The following ABTB1 variants were observed in gnomAD, a reference collection of about 807,000 sequenced individuals.
ABTB1 encodes ankyrin repeat and BTB domain containing 1.
ABTB1 carries 45 observed loss-of-function variants against 57.1 expected under a neutral mutation model. The ratio of observed to expected loss-of-function variants is 0.79; its 90% confidence interval spans 0.62 to 1.01. The LOEUF (loss-of-function observed/expected upper bound fraction) is 1.01. ABTB1 is among the 50% of genes least tolerant of loss of function. The pLI is 0.00. For missense variants in ABTB1, 630 were observed against 666.3 expected (o/e 0.95, Z 0.60); for synonymous variants, 302 against 275.4 (o/e 1.10, Z -0.95).
In ABTB1 at chr3:127,674,631, G is replaced by A. The variant is rs1317776658; in HGVS notation, c.175+31G>A. The stretch of plus-strand genomic sequence containing the variant: ...AGCAGGGAGCCCGGCTCACGGGTGT[G>A]CGTGGGTGCATGCATGTGTGCGTGT... On this transcript the variant is annotated intron_variant, in intron 3 of 11. Transcript: ENST00000232744. 3.1e-6 allele frequency: 5 copies of A among 1,613,920 alleles called. No homozygotes were observed. In the African/African-American group the frequency reaches 6.7e-5, roughly 22 times the overall value.
chr3:127,680,370 C>A lies in ABTB1; in HGVS notation c.1332C>A (p.Arg444=), dbSNP rs1462215348. 1 of 1,608,560 alleles carries A rather than the reference C, an allele frequency of 6.2e-7. No homozygotes were observed. The highest frequency in any genetic ancestry group is 8.5e-7 in the Non-Finnish European group (1 of 1,177,900). ...CTATCCCGCTGGTGGACGACATCCG[C>A]TTCCACGTGGCCAGCACGGTGCAGA... is the stretch of plus-strand genomic sequence containing the variant. ...TDSIPLVDDI[R]FHVASTVQTY... Residue 444 remains arginine (R), a synonymous_variant, in exon 12 of 12, where the codon CGC becomes CGA. Transcript: ENST00000232744.
Position 127,677,423 on chromosome 3 carries a change from G to A in ABTB1, c.763-42G>A, listed in dbSNP as rs370857803. On this transcript the variant is annotated intron_variant, in intron 8 of 11. Coordinates refer to ENST00000232744, the MANE Select transcript of ABTB1 (RefSeq NM_172027.3). ...TTTCTGAACCTAGTCGTTCACTTCTGTGAACAACTGCTCTGATGGGGTCAC... is the reference window on the plus strand; with the variant it reads ...TTTCTGAACCTAGTCGTTCACTTCTATGAACAACTGCTCTGATGGGGTCAC... 24 of 1,608,858 alleles carry A rather than the reference G, an allele frequency of 1.5e-5. No homozygotes were observed. In the South Asian group the frequency reaches 2.5e-4, roughly 17 times the overall value.
Position 127,677,570 on chromosome 3 carries a change from GT to G in ABTB1, c.861+8del, listed in dbSNP as rs771101131. 3 of 1,613,820 alleles carry G rather than the reference GT, an allele frequency of 1.9e-6. No individual in the cohort carries two copies. The highest frequency in any genetic ancestry group is 2.2e-5 in the South Asian group (2 of 91,082). ...CAGCTTCCTCTGCCACAAGGTGCCTGTGCCCTCCTGTTGCCCCTGGCCCCAG... is the reference window on the plus strand; with the variant it reads ...CAGCTTCCTCTGCCACAAGGTGCCTGGCCCTCCTGTTGCCCCTGGCCCCAG... On this transcript the variant is annotated splice_region_variant and intron_variant, in intron 9 of 11. Transcript: ENST00000232744.
At position 127,674,533 on chromosome 3, in the gene ABTB1, TCCTC is replaced by T. The variant is rs773359049; in HGVS notation, c.120-8_120-5del. The T allele has an allele frequency of 1.9e-5, 30 of 1,613,862 alleles. No individual in the cohort carries two copies. The highest frequency in any genetic ancestry group is 2.2e-5 in the Non-Finnish European group (26 of 1,179,992). Reference sequence around the variant, plus strand: ...CTGAGGACTGCCTCCTGTACTTCCTTCCTCCCTTCAGGTACTATGCCTGCTTGTG... The same window carrying T: ...CTGAGGACTGCCTCCTGTACTTCCTTCCTTCAGGTACTATGCCTGCTTGTG... On this transcript the variant is annotated splice_region_variant and splice_polypyrimidine_tract_variant and intron_variant, in intron 2 of 11. Transcript: ENST00000232744.
Position 127,676,496 on chromosome 3 carries a change from T to TG in ABTB1, c.481-38dup. On this transcript the variant is annotated intron_variant, in intron 5 of 11. Coordinates refer to ENST00000232744, the MANE Select transcript of ABTB1 (RefSeq NM_172027.3). This position sits in a 1 kb window ranked among gnomAD's most constrained non-coding sequence, Gnocchi z 5.4. ...AGGAACAGCAGGAGGTTGTGCTGGG[T>TG]GGCTGCCTCTGACATTACTTTCTGG... is the stretch of plus-strand genomic sequence containing the variant. The TG allele has an allele frequency of 6.2e-7, 1 of 1,614,068 alleles. No homozygotes were observed. Among genetic ancestry groups the TG allele is most frequent in the Non-Finnish European group, 8.5e-7 (1 of 1,179,980 alleles).
chr3:127,679,879 C>A, intron 10 of ABTB1, 106 bp from the exon 11 acceptor site: 1 of 1,174,556 alleles, frequency 8.5e-7, no homozygotes, highest in Non-Finnish European at 1.2e-6. Flanking sequence ...CACTGGAAGC[C>A]TTCCCGCCAG....
chr3:127,679,962 C>T (rs1457707068), intron 10 of ABTB1, 23 bp from the exon 11 acceptor site: 1 of 1,611,934 alleles, frequency 6.2e-7, no homozygotes, highest in East Asian at 2.2e-5. Flanking sequence ...CGGGGGGCAC[C>T]TTCATCCCTG....
rs768497781 is a variant in ABTB1 at position 127,679,594 on chromosome 3, A to G, written c.1030-391A>G. On this transcript the variant is annotated intron_variant, in intron 10 of 11. Coordinates refer to ENST00000232744, the MANE Select transcript of ABTB1 (RefSeq NM_172027.3). Reference sequence around the variant, plus strand: ...ACAGCCCCCGCAGGTAGGCATGGTTATCTATACCTCATGGACTGGGAACTA... The same window carrying G: ...ACAGCCCCCGCAGGTAGGCATGGTTGTCTATACCTCATGGACTGGGAACTA... 2.8e-5 allele frequency: 13 copies of G among 469,196 alleles called. 1 individual carries two copies. Among genetic ancestry groups the G allele is most frequent in the Non-Finnish European group, 5.1e-5 (12 of 235,906 alleles). The allele number at this position is 469,196 out of a possible 1,614,324, so 29.1% of individuals were successfully genotyped here. A position where few individuals can be genotyped will look rare whatever the true frequency, so the allele number is the denominator to read the frequency against.
Position 127,676,713 on chromosome 3 carries a change from C to T in ABTB1, c.526+132C>T, listed in dbSNP as rs571041638. 1 of 1,233,784 alleles carries T rather than the reference C, an allele frequency of 8.1e-7. No homozygotes were observed. The highest frequency in any genetic ancestry group is 2.4e-5 in the East Asian group (1 of 41,124). 76.4% of individuals were successfully genotyped at this position (1,233,784 alleles called of 1,614,324 possible). A position where few individuals can be genotyped will look rare whatever the true frequency, so the allele number is the denominator to read the frequency against. ...GTCCCCCCGGGGTGGTTCCAGCTGC[C>T]TCTCGGGTTGGGTTGCAAGAGAGAG... On this transcript the variant is annotated intron_variant, in intron 6 of 11. Transcript: ENST00000232744. This position sits in a 1 kb window ranked among gnomAD's most constrained non-coding sequence, Gnocchi z 5.4.
chr3:127,680,811 C>T lies in ABTB1; in HGVS notation c.*336C>T, dbSNP rs917323764. On this transcript the variant is annotated 3_prime_UTR_variant, in exon 12 of 12. Coordinates refer to ENST00000232744, the MANE Select transcript of ABTB1 (RefSeq NM_172027.3). ...CCCAGTCCCAAATCCAGTCCTCTGG[C>T]CCTTGCCTAGCCCTGAATTGCTTCT... The T allele has an allele frequency of 1.2e-5, 8 of 651,618 alleles. No homozygotes were observed. Among genetic ancestry groups the T allele is most frequent in the Admixed American group, 2.5e-5 (1 of 39,796 alleles). The allele number at this position is 651,618 out of a possible 1,614,324, so 40.4% of individuals were successfully genotyped here.
intron 10 of ABTB1, 21 bp from the exon 11 acceptor site, chr3:127,679,964 T>C (rs1241930334): frequency 6.2e-7 from 1 of 1,611,902 alleles, no homozygotes; most frequent in Non-Finnish European, 8.5e-7. Context: ...GGGGGCACCT[T>C]CATCCCTGTC....
rs1007087102 is a variant in ABTB1 at position 127,676,360 on chromosome 3, A to C, written c.409A>C (p.Ser137Arg). Residue 137 changes from serine (S) to arginine (R), a missense_variant, in exon 5 of 12, where the codon AGT becomes CGT. By Grantham distance (110) the Ser-to-Arg change is moderately radical. Around this residue, in one of 3 missense-constraint regions of ABTB1, gnomAD observed 579 missense variants for 585.9 expected, o/e 0.99. Transcript: ENST00000232744. This position sits in a 1 kb window ranked among gnomAD's most constrained non-coding sequence, Gnocchi z 5.4. Reference protein sequence around the residue: ...RVHRCVLGARSAYFANMLDTK... With the variant: ...RVHRCVLGARRAYFANMLDTK... ...GCATCGCTGCGTCCTGGGTGCACGT[A>C]GTGCCTACTTTGCCAACATGCTGGA... 6.2e-7 allele frequency: 1 copy of C among 1,614,182 alleles called. No homozygotes were observed. Among genetic ancestry groups the C allele is most frequent in the Non-Finnish European group, 8.5e-7 (1 of 1,180,030 alleles).
At chr3:127,678,867 G>A (rs986681866) in intron 10 of ABTB1, 1 of 152,372 alleles carries the variant, frequency 6.6e-6, no homozygotes, top group African/African-American at 2.4e-5. Flanking sequence ...TCATTCTGTG[G>A]CCAGGGCCCT....
chr3:127,680,081 C>T lies in ABTB1; in HGVS notation c.1126C>T (p.Leu376=). 2 of 1,613,920 alleles carry T rather than the reference C, an allele frequency of 1.2e-6. No homozygotes were observed. The highest frequency in any genetic ancestry group is 1.6e-4 in the Middle Eastern group (1 of 6,062). Residue 376 remains leucine (L), a synonymous_variant, in exon 11 of 12, where the codon CTA becomes TTA. Transcript: ENST00000232744. ...GTGCGGCCGCAGCCTGGCTCAGATG[C>T]TAGACGAGGACACTGTGGTGGGTGT... ...RLCGRSLAQM[L]DEDTVVGVWR...
In ABTB1 at chr3:127,677,287, G is replaced by C. The variant is rs1203811981; in HGVS notation, c.762+1G>C. 1.3e-6 allele frequency: 2 copies of C among 1,590,892 alleles called. No individual in the cohort carries two copies. The highest frequency in any genetic ancestry group is 2.7e-5 in the African/African-American group (2 of 74,776). ...TTGTGCCCTGCCCCCCGAGCTCCGA[G>C]TAAGTGCGGGGCTGGTGGGCAGGAA... On this transcript the variant is annotated splice_donor_variant, in intron 8 of 11. Coordinates refer to ENST00000232744, the MANE Select transcript of ABTB1 (RefSeq NM_172027.3). LOFTEE classifies it high-confidence loss of function.
intron 11 of ABTB1, 41 bp from the exon 12 acceptor site, chr3:127,680,228 G>A (rs1474061602): frequency 1.9e-6 from 3 of 1,612,712 alleles, no homozygotes; most frequent in African/African-American, 1.3e-5. Context: ...GGGGTGAGAG[G>A]GCAGGCACCC....
intron 1 of ABTB1, 49 bp from the exon 2 acceptor site, chr3:127,674,338 TTCTC>T: frequency 6.4e-7 from 1 of 1,574,440 alleles, no homozygotes; most frequent in Non-Finnish European, 8.6e-7. Context: ...CGGGCCTTCT[TTCTC>T]AGACCATGAA....
rs745448999 is a variant in ABTB1, at chr3:127,680,400, C to T, written c.1362C>T (p.Tyr454=). The change falls in exon 12 of 12, where the codon TAC becomes TAT. Residue 454 remains tyrosine (Y), a synonymous_variant. Transcript: ENST00000232744. ...RFHVASTVQT[Y]SAIEEAQQRL... is the part of the protein sequence containing the mutation. Reference sequence around the variant, plus strand: ...ACGTGGCCAGCACGGTGCAGACCTACAGCGCCATAGAGGAGGCGCAGCAGC... The same window carrying T: ...ACGTGGCCAGCACGGTGCAGACCTATAGCGCCATAGAGGAGGCGCAGCAGC... 5 of 1,607,900 alleles carry T rather than the reference C, an allele frequency of 3.1e-6. No individual in the cohort carries two copies. The highest frequency in any genetic ancestry group is 1.3e-5 in the African/African-American group (1 of 75,014).
At chr3:127,675,821 G>A in intron 3 of ABTB1, 149 bp from the exon 4 acceptor site, 3 of 1,048,660 alleles carry the variant, frequency 2.9e-6, no homozygotes, top group Admixed American at 2.4e-5. Context: ...CTGGGAGGGT[G>A]TTGGGGTCAG....
Sources: gnomAD v4.1 joint callset for allele counts on GRCh38, gnomAD v4.1.1 for gene constraint, gnomAD v4.1.1 regional missense constraint, Gnocchi (gnomAD v3.1) non-coding constraint, MANE v1.5 for transcripts, NCBI Gene and HGNC (gene_info 2026-07-23, HGNC 2026-07-21) for gene names.